PTPRK: variants seen among roughly 807,000 people sequenced by gnomAD.
PTPRK encodes the protein receptor-type tyrosine-protein phosphatase kappa.
A neutral mutation model predicts 178.0 loss-of-function variants in PTPRK; 75 were observed. The observed-to-expected ratio is 0.42, with a 90% CI of 0.35 to 0.51. The LOEUF is 0.51. Ranked by LOEUF, PTPRK falls within the 20% of genes least tolerant of loss-of-function variation. The pLI is 0.02. For synonymous variants in PTPRK, 637 were observed against 620.6 expected, an observed-to-expected ratio of 1.03 and a Z score of -0.39; for missense variants, 1,441 against 1,797.8, an observed-to-expected ratio of 0.80 and a Z score of 3.59.
chr6:128,174,306 A>C (rs1049815115), intron 7 of PTPRK, among the ~76,000 whole-genome samples: 10 of 151,968 alleles, frequency 6.6e-5, no homozygotes, highest in African/African-American at 2.4e-4. Context: ...ATCCAGAAAG[A>C]AGAAGGAGTG....
intron 28 of PTPRK, 71 bp downstream of exon 28, chr6:127,973,593 G>T: frequency 6.4e-7 from 1 of 1,561,276 alleles, no homozygotes; most frequent in South Asian, 1.2e-5. Flanking sequence ...AAGCCAGATA[G>T]TCTTTAACAT....
chr6:128,250,840 T>C (rs944003497), intron 3 of PTPRK, among the ~76,000 whole-genome samples: 3 of 152,180 alleles, frequency 2.0e-5, no homozygotes, highest in Non-Finnish European at 2.9e-5. Context: ...AAGACACACA[T>C]AACTGACAGG....
At chr6:128,081,767 C>A (rs1332417178) in intron 10 of PTPRK, among the ~76,000 whole-genome samples, 1 of 151,946 alleles carries the variant, frequency 6.6e-6, no homozygotes, top group South Asian at 2.1e-4. Context: ...TTAGGGCATA[C>A]TACAAAGCTA....
At position 128,084,716 on chromosome 6, in the gene PTPRK, T is replaced by C. The variant is rs997483893; in HGVS notation, c.1466-892A>G. On this transcript the variant is annotated intron_variant, in intron 8 of 29. Coordinates refer to ENST00000368226, the MANE Select transcript of PTPRK (RefSeq NM_002844.4). The stretch of plus-strand genomic sequence containing the variant: ...TTCGCTATCGTGTATTTTCCTTTTA[T>C]ATATTTTATTTAAATACTTAGCTGC... 6.6e-5 allele frequency among the ~76,000 whole-genome samples: 10 copies of C among 152,356 alleles called. No individual in the cohort carries two copies. In the East Asian group the frequency reaches 1.2e-3, roughly 18 times the overall value.
At chr6:128,140,640 A>G (rs911370686) in intron 7 of PTPRK, among the ~76,000 whole-genome samples, 2 of 151,986 alleles carry the variant, frequency 1.3e-5, no homozygotes, top group South Asian at 4.1e-4. Flanking sequence ...CAGAATTATC[A>G]TCATCATTGT....
intron 6 of PTPRK, among the ~76,000 whole-genome samples, chr6:128,194,095 T>TG (rs1804440864): frequency 6.8e-6 from 1 of 146,290 alleles, no homozygotes; most frequent in East Asian, 2.0e-4. Flanking sequence ...TTATTATTAT[T>TG]ATTATTAGGA....
At chr6:128,277,938 T>C (rs929673547) in intron 3 of PTPRK, among the ~76,000 whole-genome samples, 13 of 152,000 alleles carry the variant, frequency 8.6e-5, no homozygotes, top group Non-Finnish European at 1.9e-4. Flanking sequence ...ACAAATACAG[T>C]CCAAATATTT....
intron 7 of PTPRK, among the ~76,000 whole-genome samples, chr6:128,178,859 C>G (rs1801492569): frequency 6.6e-6 from 1 of 151,840 alleles, no homozygotes; most frequent in Non-Finnish European, 1.5e-5. Context: ...TATTCTCTTT[C>G]TTTTCTAATA....
intron 6 of PTPRK, among the ~76,000 whole-genome samples, chr6:128,212,441 G>A (rs1200975626): frequency 6.6e-6 from 1 of 151,886 alleles, no homozygotes; most frequent in Non-Finnish European, 1.5e-5. Flanking sequence ...TAACAGATAG[G>A]GGAATATAAA....
At chr6:128,019,644 C>T (rs1216734801) in intron 13 of PTPRK, among the ~76,000 whole-genome samples, 2 of 152,034 alleles carry the variant, frequency 1.3e-5, no homozygotes, top group African/African-American at 4.8e-5. Context: ...ATTTGTTGTC[C>T]CTGGCATGTA....
At chr6:128,356,655 T>C (rs555810071) in intron 2 of PTPRK, among the ~76,000 whole-genome samples, 97 of 152,340 alleles carry the variant, frequency 6.4e-4, no homozygotes, top group Admixed American at 2.0e-3. Context: ...TCATTTAGGT[T>C]TCTTTTCTTT....
chr6:128,496,391 T>A (rs1305819438), intron 1 of PTPRK, among the ~76,000 whole-genome samples: 1 of 152,204 alleles, frequency 6.6e-6, no homozygotes, highest in Non-Finnish European at 1.5e-5. Context: ...CCACCTCTGA[T>A]TATTATATAT....
At chr6:128,432,455 T>C (rs746637999) in intron 1 of PTPRK, among the ~76,000 whole-genome samples, 20 of 152,370 alleles carry the variant, frequency 1.3e-4, no homozygotes, top group Non-Finnish European at 2.5e-4. Context: ...TTTATAGTTA[T>C]GTAATAATGA....
chr6:127,973,773 G>A lies in PTPRK; in HGVS notation c.4024C>T (p.His1342Tyr), dbSNP rs1274310045. 10 of 1,613,972 alleles carry A rather than the reference G, an allele frequency of 6.2e-6. No homozygotes were observed. Among genetic ancestry groups the A allele is most frequent in the African/African-American group, 1.3e-5 (1 of 75,026 alleles). ...QQFQYLGWAS[H>Y]REVPGSKRSF... The stretch of plus-strand genomic sequence containing the variant: ...CTTTTGGATCCAGGCACTTCTCGAT[G>A]AGAAGCCCATCCTAGGTACTGAAAC... The change falls in exon 28 of 30, where the codon CAT becomes TAT. Residue 1342 changes from histidine (H) to tyrosine (Y), a missense_variant. By Grantham distance (83) the His-to-Tyr change is moderately conservative. Around this residue, in one of 4 missense-constraint regions of PTPRK, gnomAD observed 335 missense variants for 512.4 expected, o/e 0.65. Coordinates refer to ENST00000368226, the MANE Select transcript of PTPRK (RefSeq NM_002844.4).
At chr6:128,405,952 T>C (rs1402479656) in intron 1 of PTPRK, among the ~76,000 whole-genome samples, 2 of 151,822 alleles carry the variant, frequency 1.3e-5, no homozygotes, top group Non-Finnish European at 2.9e-5. Flanking sequence ...TTCAAGAAAA[T>C]AGATAACCAA....
At chr6:127,983,413 C>T in intron 22 of PTPRK, 36 bp from the exon 23 acceptor site, 1 of 1,604,454 alleles carries the variant, frequency 6.2e-7, no homozygotes, top group Non-Finnish European at 8.5e-7. Context: ...TTGTAAGAAG[C>T]ATGTTAGTCT....
At chr6:128,488,517 A>C (rs1853296595) in intron 1 of PTPRK, among the ~76,000 whole-genome samples, 1 of 152,224 alleles carries the variant, frequency 6.6e-6, no homozygotes, top group Admixed American at 6.5e-5. Flanking sequence ...CTGGGCATCC[A>C]CAAGCCAGAT....
At position 128,355,534 on chromosome 6, in the gene PTPRK, G is replaced by T. The variant is rs1833833499; in HGVS notation, c.224-33224C>A. On this transcript the variant is annotated intron_variant, in intron 2 of 29. Coordinates refer to ENST00000368226, the MANE Select transcript of PTPRK (RefSeq NM_002844.4). ...ATAATATACACACACATGCATGTGG[G>T]TATAGGTGCATGTATCATAGACATT... is the stretch of plus-strand genomic sequence containing the variant. Among the ~76,000 whole-genome samples the T allele has an allele frequency of 2.0e-5, 3 of 152,168 alleles. No homozygotes were observed. In the South Asian group the frequency reaches 6.2e-4, roughly 32 times the overall value.
intron 13 of PTPRK, among the ~76,000 whole-genome samples, chr6:128,055,990 C>CTT (rs60796705): frequency 4.5e-5 from 6 of 132,652 alleles, no homozygotes; most frequent in Middle Eastern, 4.0e-3. Context: ...TTTTTCTTTT[C>CTT]TTTTTTTTTT....
Sources: gnomAD v4.1 joint callset for allele counts (sites outside exome capture counted in the v4.1 genomes callset) on GRCh38, gnomAD v4.1.1 for gene constraint, gnomAD v4.1.1 regional missense constraint, MANE v1.5 for transcripts, NCBI Gene and HGNC (gene_info 2026-07-23, HGNC 2026-07-21) for gene names.